The following BMPR2 variants were observed in gnomAD, a reference collection of about 807,000 sequenced individuals.
BMPR2 encodes the protein bone morphogenetic protein receptor type-2.
BMPR2 carries 29 observed loss-of-function variants against 100.8 expected under a neutral mutation model. The observed-to-expected ratio is 0.29, with a 90% CI of 0.21 to 0.39. The LOEUF (loss-of-function observed/expected upper bound fraction) is 0.39, where lower values mean the gene tolerates loss of function less well. Ranked by LOEUF, BMPR2 falls within the 10% of genes least tolerant of loss-of-function variation. BMPR2 has a pLI of 1.00. For missense variants in BMPR2, 1,011 were observed against 1,274.5 expected, an observed-to-expected ratio of 0.79 and a Z score of 3.15; for synonymous variants, 382 against 442.3, an observed-to-expected ratio of 0.86 and a Z score of 1.71.
intron 1 of BMPR2, among the ~76,000 whole-genome samples, chr2:202,419,994 T>A (rs1284594717): frequency 6.6e-6 from 1 of 152,048 alleles, no homozygotes; most frequent in African/African-American, 2.4e-5. Context: ...ATTTTACATA[T>A]TTTAAAAATT....
intron 4 of BMPR2, 29 bp from the exon 5 acceptor site, chr2:202,514,859 T>C (rs1687684690): frequency 3.2e-6 from 5 of 1,549,212 alleles, no homozygotes; most frequent in Non-Finnish European, 4.5e-6. Flanking sequence ...GAAAACCATA[T>C]ATTAGTAACC....
At chr2:202,395,183 G>A (rs1690635903) in intron 1 of BMPR2, among the ~76,000 whole-genome samples, 1 of 152,120 alleles carries the variant, frequency 6.6e-6, no homozygotes, top group Admixed American at 6.5e-5. Context: ...CGCCTGGCAA[G>A]TCTTTACTCT....
At chr2:202,552,616 A>G in intron 10 of BMPR2, 100 bp from the exon 11 acceptor site, 1 of 1,210,956 alleles carries the variant, frequency 8.3e-7, no homozygotes, top group Non-Finnish European at 1.2e-6. Context: ...AATACTGGTT[A>G]AGGTAATTGA....
At chr2:202,391,440 G>T (rs932119070) in intron 1 of BMPR2, among the ~76,000 whole-genome samples, 2 of 151,564 alleles carry the variant, frequency 1.3e-5, no homozygotes, top group Non-Finnish European at 2.9e-5. Context: ...CAGTAGCTGG[G>T]ACTACAAGTG....
chr2:202,525,592 C>T (rs1325618721), intron 7 of BMPR2, among the ~76,000 whole-genome samples: 2 of 152,102 alleles, frequency 1.3e-5, no homozygotes, highest in African/African-American at 2.4e-5. Flanking sequence ...CTCCATAAGT[C>T]CCACTCCTAT....
At chr2:202,493,434 T>G (rs558499774) in intron 3 of BMPR2, among the ~76,000 whole-genome samples, 1 of 152,282 alleles carries the variant, frequency 6.6e-6, no homozygotes, top group Non-Finnish European at 1.5e-5. Flanking sequence ...GGTGTTTTCT[T>G]TATTCTTCGA....
intron 9 of BMPR2, among the ~76,000 whole-genome samples, chr2:202,534,962 C>A (rs1236454005): frequency 1.2e-5 from 1 of 80,732 alleles, no homozygotes; most frequent in African/African-American, 4.6e-5. Flanking sequence ...TGACCCCCCC[C>A]ACCTCCTGGC....
rs575944935 is a variant in BMPR2, at chr2:202,464,665, T to C, written c.77-144T>C. 5 of 754,282 alleles carry C rather than the reference T, an allele frequency of 6.6e-6. No individual in the cohort carries two copies. In the African/African-American group the frequency reaches 7.1e-5, roughly 11 times the overall value. The allele number at this position is 754,282 out of a possible 1,614,324, so 46.7% of individuals were successfully genotyped here. On this transcript the variant is annotated intron_variant, in intron 1 of 12. Coordinates refer to ENST00000374580, the MANE Select transcript of BMPR2 (RefSeq NM_001204.7). Reference sequence around the variant, plus strand: ...TCATGAACAGAAGAACGTCATTGAATGTAAAATTAGAAATTTATGTAAAGA... The same window carrying C: ...TCATGAACAGAAGAACGTCATTGAACGTAAAATTAGAAATTTATGTAAAGA...
In BMPR2 at chr2:202,468,415, C is replaced by G. The variant is rs888827827; in HGVS notation, c.418+726C>G. ...TTTGCTTGAGCCTAGGAAGTTGAAG[C>G]TGCAGCTATTGTGCCACTGCCCTCT... On this transcript the variant is annotated intron_variant, in intron 3 of 12. Transcript: ENST00000374580. 2.0e-5 allele frequency among the ~76,000 whole-genome samples: 3 copies of G among 152,110 alleles called. No individual in the cohort carries two copies. In the East Asian group the frequency reaches 5.8e-4, roughly 29 times the overall value.
intron 1 of BMPR2, among the ~76,000 whole-genome samples, chr2:202,442,187 A>T (rs1691760721): frequency 6.6e-6 from 1 of 150,592 alleles, no homozygotes; most frequent in Non-Finnish European, 1.5e-5. Flanking sequence ...GTGATCTTTT[A>T]CTTTATAGCT....
At chr2:202,554,804 T>C (rs1030605354) in intron 11 of BMPR2, among the ~76,000 whole-genome samples, 2 of 152,238 alleles carry the variant, frequency 1.3e-5, no homozygotes, top group African/African-American at 2.4e-5. Context: ...TATTTGGCCA[T>C]TGGAACTTAA....
At chr2:202,437,833 C>T (rs528932528) in intron 1 of BMPR2, among the ~76,000 whole-genome samples, 5 of 150,792 alleles carry the variant, frequency 3.3e-5, no homozygotes, top group South Asian at 2.1e-4. Context: ...CATTCTATTA[C>T]GGATATACTG....
At chr2:202,471,527 A>C (rs1468659624) in intron 3 of BMPR2, among the ~76,000 whole-genome samples, 1 of 152,246 alleles carries the variant, frequency 6.6e-6, no homozygotes, top group African/African-American at 2.4e-5. Context: ...TAACTAATAT[A>C]GTACTATATT....
intron 1 of BMPR2, among the ~76,000 whole-genome samples, chr2:202,443,048 C>T (rs1691778647): frequency 6.6e-6 from 1 of 150,512 alleles, no homozygotes; most frequent in Non-Finnish European, 1.5e-5. Flanking sequence ...TCCAATAGGG[C>T]TGGTTCCTTT....
At chr2:202,412,191 C>G (rs1691025910) in intron 1 of BMPR2, among the ~76,000 whole-genome samples, 1 of 151,956 alleles carries the variant, frequency 6.6e-6, no homozygotes, top group Non-Finnish European at 1.5e-5. Context: ...GTATGTGTCT[C>G]TAATAATCTT....
In BMPR2 at chr2:202,431,807, A is replaced by C. The variant is rs1574445414; in HGVS notation, c.77-33002A>C. On this transcript the variant is annotated intron_variant, in intron 1 of 12. Transcript: ENST00000374580. ...GTTCATACAATAACAAAATCTCCTA[A>C]CAAGGCATTTCTCAGAACTTATTCC... Among the ~76,000 whole-genome samples, 3 of 150,596 alleles carry C rather than the reference A, an allele frequency of 2.0e-5. 1 individual carries two copies. In the South Asian group the frequency reaches 6.2e-4, roughly 31 times the overall value.
chr2:202,388,212 C>G (rs570159998), intron 1 of BMPR2, among the ~76,000 whole-genome samples: 6 of 151,400 alleles, frequency 4.0e-5, no homozygotes, highest in Non-Finnish European at 8.8e-5. Flanking sequence ...GCCTGGCCAA[C>G]GTGATGAAAC....
intron 1 of BMPR2, among the ~76,000 whole-genome samples, chr2:202,441,255 A>G (rs1330560974): frequency 1.3e-5 from 2 of 150,390 alleles, no homozygotes; most frequent in African/African-American, 2.5e-5. Context: ...TGCTAGGATT[A>G]AGAAAATATT....
intron 3 of BMPR2, among the ~76,000 whole-genome samples, chr2:202,496,497 A>G (rs564033742): frequency 7.8e-4 from 117 of 149,260 alleles, no homozygotes; most frequent in African/African-American, 2.7e-3. Flanking sequence ...ACAAAAAAAA[A>G]TCAAAAGAAC....
Sources: gnomAD v4.1 joint callset for allele counts (sites outside exome capture counted in the v4.1 genomes callset) on GRCh38, gnomAD v4.1.1 for gene constraint, MANE v1.5 for transcripts, NCBI Gene and HGNC (gene_info 2026-07-23, HGNC 2026-07-21) for gene names.